The following BPHL variants were observed in gnomAD, a reference collection of about 807,000 sequenced individuals.
The protein encoded by BPHL is serine hydrolase BPHL.
A neutral mutation model predicts 31.2 loss-of-function variants in BPHL; 27 were observed. The ratio of observed to expected loss-of-function variants is 0.87; its 90% confidence interval spans 0.64 to 1.19. The LOEUF is 1.19. Among genes scored for constraint, BPHL ranks in the 50% most tolerant of loss-of-function variants. The probability of loss-of-function intolerance (pLI) is 0.00; values close to 1 mark genes in which losing one functional copy is unlikely to be tolerated. For synonymous variants in BPHL, 150 were observed against 146.8 expected (o/e 1.02, Z -0.16); for missense variants, 356 against 375.7 (o/e 0.95, Z 0.43).
At chr6:3,141,431 G>A (rs1306696217) in intron 6 of BPHL, among the ~76,000 whole-genome samples, 1 of 152,146 alleles carries the variant, frequency 6.6e-6, no homozygotes, top group African/African-American at 2.4e-5. Context: ...GCAGTGGCAC[G>A]ATCTCGGCTA....
intron 4 of BPHL, among the ~76,000 whole-genome samples, chr6:3,129,556 C>G (rs981578688): frequency 3.9e-5 from 6 of 152,052 alleles, no homozygotes; most frequent in African/African-American, 1.2e-4. Flanking sequence ...TGCCTGTAAT[C>G]CCAGCACTTT....
intron 4 of BPHL, among the ~76,000 whole-genome samples, chr6:3,132,002 C>A (rs1002114130): frequency 2.1e-4 from 32 of 152,212 alleles, no homozygotes; most frequent in African/African-American, 7.7e-4. Flanking sequence ...CCTCGGTCAC[C>A]GCAGTGGGAA....
rs1762152665 is a variant in BPHL, at chr6:3,140,736, C to G, written c.788+227C>G. Among the ~76,000 whole-genome samples the G allele has an allele frequency of 6.6e-6, 1 of 152,200 alleles. No homozygotes were observed. The highest frequency in any genetic ancestry group is 2.4e-5 in the African/African-American group (1 of 41,444). On this transcript the variant is annotated intron_variant, in intron 6 of 6. Transcript: ENST00000380379. This position sits in a 1 kb window ranked among gnomAD's most constrained non-coding sequence, Gnocchi z 5.2. ...GAAAGGCATGTTCAGATAGACAGCT[C>G]TTACTTTCATGAGTGGCAAACATGC...
chr6:3,137,285 G>T, intron 4 of BPHL, 77 bp from the exon 5 acceptor site: 1 of 1,534,794 alleles, frequency 6.5e-7, no homozygotes, highest in South Asian at 1.2e-5. Context: ...CTCAGAAGTG[G>T]CTCTTGCTCA....
chr6:3,135,481 C>A (rs1761993306), intron 4 of BPHL, among the ~76,000 whole-genome samples: 1 of 152,198 alleles, frequency 6.6e-6, no homozygotes, highest in African/African-American at 2.4e-5. Flanking sequence ...TGTCCAAATG[C>A]AGATTTCATT....
chr6:3,137,992 A>T, intron 5 of BPHL: 1 of 1,280,462 alleles, frequency 7.8e-7, no homozygotes, highest in South Asian at 1.2e-5. Flanking sequence ...AAGTGATATG[A>T]CTGTAACCAT....
At chr6:3,152,183 C>T (rs1005881945) in intron 6 of BPHL, among the ~76,000 whole-genome samples, 5 of 152,228 alleles carry the variant, frequency 3.3e-5, no homozygotes, top group African/African-American at 9.7e-5. Flanking sequence ...TCACCTCCCC[C>T]ACTCTCAGTC....
rs747487203 is a variant in BPHL, at chr6:3,123,754, A to G, written c.205A>G (p.Met69Val). 3.7e-6 allele frequency: 6 copies of G among 1,611,436 alleles called. No individual in the cohort carries two copies. The highest frequency in any genetic ancestry group is 5.1e-6 in the Non-Finnish European group (6 of 1,178,488). ...TCACGCAGTCCTGCTACTTCCTGGG[A>G]TGTTAGGTCTGGGTACTTTTTAATG... Reference protein sequence around the residue: ...GDHAVLLLPGMLGSGETDFGP... With the variant: ...GDHAVLLLPGVLGSGETDFGP... The change falls in exon 2 of 7, where the codon ATG (methionine) becomes GTG (valine). Residue 69 changes from methionine to valine, a missense_variant. By Grantham distance (21) the Met-to-Val change is conservative. Coordinates refer to ENST00000380379, the MANE Select transcript of BPHL (RefSeq NM_004332.4).
chr6:3,151,464 C>G (rs1268615433), intron 6 of BPHL, among the ~76,000 whole-genome samples: 6 of 152,146 alleles, frequency 3.9e-5, no homozygotes, highest in South Asian at 4.1e-4. Flanking sequence ...ATTCCCACCC[C>G]CAATGTGGTG....
intron 1 of BPHL, chr6:3,119,171 C>A: frequency 1.0e-6 from 1 of 993,500 alleles, no homozygotes; most frequent in Non-Finnish European, 1.5e-6. Flanking sequence ...GTAGTATGGA[C>A]TCACCCGTGA....
chr6:3,145,947 C>T (rs1300558681), intron 6 of BPHL, among the ~76,000 whole-genome samples: 2 of 34,862 alleles, frequency 5.7e-5, no homozygotes, highest in African/African-American at 1.1e-4. Flanking sequence ...GTGCTGGTTC[C>T]AGCTGGAGTG....
intron 6 of BPHL, among the ~76,000 whole-genome samples, chr6:3,144,366 C>T (rs1381727261): frequency 8.8e-6 from 1 of 113,734 alleles, no homozygotes; most frequent in Admixed American, 8.4e-5. Flanking sequence ...TGCACTTGGC[C>T]TTCTTCTTTT....
chr6:3,139,581 C>T (rs1762114562), intron 5 of BPHL: 1 of 152,240 alleles, frequency 6.6e-6, no homozygotes, highest in African/African-American at 2.4e-5. Context: ...GGGGCAGCTC[C>T]CAGCCTTCTC....
intron 5 of BPHL, chr6:3,138,205 A>G (rs1762065599): frequency 9.0e-6 from 3 of 332,786 alleles, no homozygotes; most frequent in Non-Finnish European, 1.7e-5. Flanking sequence ...ATTTTAGTAG[A>G]GACAGGGTTT....
chr6:3,134,369 A>G (rs551478020), intron 4 of BPHL, among the ~76,000 whole-genome samples: 16 of 151,924 alleles, frequency 1.1e-4, no homozygotes, highest in African/African-American at 3.6e-4. Context: ...CTTTATGGGC[A>G]GAACTACTTA....
chr6:3,130,758 A>G (rs1210397172), intron 4 of BPHL, among the ~76,000 whole-genome samples: 2 of 152,234 alleles, frequency 1.3e-5, no homozygotes, highest in East Asian at 1.9e-4. Context: ...TTTTTCAGCT[A>G]TTCGACAATT....
At chr6:3,118,684 G>T, upstream of BPHL, 1 of 1,194,336 alleles carries the variant, frequency 8.4e-7, no homozygotes, top group Non-Finnish European at 1.1e-6. Flanking sequence ...GAGTGGGCCG[G>T]GTACCGCGCT....
At chr6:3,138,147 T>G in intron 5 of BPHL, 1 of 499,066 alleles carries the variant, frequency 2.0e-6, no homozygotes, top group Non-Finnish European at 3.5e-6. Context: ...GCCTCCCAAG[T>G]AGCTGGGACC....
intron 6 of BPHL, among the ~76,000 whole-genome samples, chr6:3,151,785 C>A (rs530302865): frequency 3.5e-4 from 54 of 152,136 alleles, no homozygotes; most frequent in Non-Finnish European, 6.9e-4. Context: ...TAAATCTGTC[C>A]CATTTGATCA....
Sources: gnomAD v4.1 joint callset for allele counts (sites outside exome capture counted in the v4.1 genomes callset) on GRCh38, gnomAD v4.1.1 for gene constraint, Gnocchi (gnomAD v3.1) non-coding constraint, MANE v1.5 for transcripts, NCBI Gene and HGNC (gene_info 2026-07-23, HGNC 2026-07-21) for gene names.